Variants in RNF180 observed in about 807,000 individuals in gnomAD.
RNF180 encodes ring finger protein 180.
Under a neutral mutation model 59.2 loss-of-function variants are expected in RNF180, and 38 were observed. That is an observed-to-expected ratio of 0.64 (90% CI 0.50 to 0.84). RNF180 has a LOEUF of 0.84. RNF180 is among the 40% of genes least tolerant of loss of function. The pLI is 0.00. For synonymous variants in RNF180, 262 were observed against 240.3 expected (o/e 1.09, Z -0.84); for missense variants, 705 against 700.9 (o/e 1.01, Z -0.07).
At chr5:64,347,202 C>G (rs1745591329) in intron 7 of RNF180, among the ~76,000 whole-genome samples, 1 of 152,100 alleles carries the variant, frequency 6.6e-6, no homozygotes, top group African/African-American at 2.4e-5. Flanking sequence ...CAACAGCACC[C>G]TGGGGAAATC....
intron 1 of RNF180, among the ~76,000 whole-genome samples, chr5:64,178,219 A>G (rs924841893): frequency 4.0e-4 from 61 of 151,794 alleles, no homozygotes; most frequent in Admixed American, 2.2e-3. Context: ...AAAAAAAAAA[A>G]AAAGAAAAGC....
intron 1 of RNF180, among the ~76,000 whole-genome samples, chr5:64,184,238 A>G (rs559535021): frequency 4.3e-4 from 65 of 152,278 alleles, no homozygotes; most frequent in African/African-American, 1.5e-3. Flanking sequence ...CTGTTGTTTA[A>G]ACTACCCAGT....
intron 1 of RNF180, among the ~76,000 whole-genome samples, chr5:64,175,785 G>T (rs183417835): frequency 6.6e-6 from 1 of 151,942 alleles, no homozygotes; most frequent in East Asian, 1.9e-4. Context: ...TTCTTTTATC[G>T]ATATTTTATA....
At position 64,346,359 on chromosome 5, in the gene RNF180, C is replaced by CTTTTTTTTTT. The variant is rs1162054033; in HGVS notation, c.1579+15971_1579+15980dup. Among the ~76,000 whole-genome samples, 43 of 42,958 alleles carry CTTTTTTTTTT rather than the reference C, an allele frequency of 1.0e-3. 1 individual carries two copies. Among genetic ancestry groups the CTTTTTTTTTT allele is most frequent in the South Asian group, 1.0e-3 (1 of 978 alleles). The allele number at this position is 42,958 out of a possible 152,430, so 28.2% of individuals were successfully genotyped here. A position where few individuals can be genotyped will look rare whatever the true frequency, so the allele number is the denominator to read the frequency against. ...TCTATTCTTCTTTTTTTCTTTTCTT[C>CTTTTTTTTTT]TTTTTTTTTTTTTTTTTTTTTTTTT... On this transcript the variant is annotated intron_variant, in intron 7 of 7. Transcript: ENST00000389100.
intron 5 of RNF180, among the ~76,000 whole-genome samples, chr5:64,251,324 A>G (rs1181473397): frequency 1.3e-5 from 2 of 152,234 alleles, no homozygotes; most frequent in Non-Finnish European, 2.9e-5. Context: ...TATCGTTACC[A>G]TACTGGCGAC....
At chr5:64,332,479 G>A (rs562870029) in intron 7 of RNF180, among the ~76,000 whole-genome samples, 5 of 152,264 alleles carry the variant, frequency 3.3e-5, no homozygotes, top group East Asian at 1.9e-4. Flanking sequence ...TGACTTCAGC[G>A]ATATCATAGG....
Position 64,338,831 on chromosome 5 carries a change from C to T in RNF180, c.1579+8425C>T, listed in dbSNP as rs115778681. ...AGCATTTCTTGAAATTATCATACGGCTTTACTTCCTCAATTTGTTAATGCA... is the reference window on the plus strand; with the variant it reads ...AGCATTTCTTGAAATTATCATACGGTTTTACTTCCTCAATTTGTTAATGCA... On this transcript the variant is annotated intron_variant, in intron 7 of 7. Transcript: ENST00000389100. Among the ~76,000 whole-genome samples the T allele has an allele frequency of 2.6e-3, 397 of 152,058 alleles. 5 individuals are homozygous for T. Among genetic ancestry groups the T allele is most frequent in the African/African-American group, 9.3e-3 (384 of 41,478 alleles).
At chr5:64,295,572 T>C (rs72752840) in intron 5 of RNF180, among the ~76,000 whole-genome samples, 13,875 of 152,262 alleles carry the variant, frequency 0.091, 764 homozygotes, top group South Asian at 0.17. Context: ...CAGAAATCCA[T>C]GTCCTGATAC....
intron 5 of RNF180, among the ~76,000 whole-genome samples, chr5:64,246,293 G>C (rs565750797): frequency 6.6e-6 from 1 of 151,894 alleles, no homozygotes; most frequent in Non-Finnish European, 1.5e-5. Flanking sequence ...GAAGAGACAC[G>C]AAAAACCCTT....
chr5:64,186,583 G>C (rs952860095), intron 1 of RNF180, among the ~76,000 whole-genome samples: 7 of 151,902 alleles, frequency 4.6e-5, no homozygotes, highest in African/African-American at 1.7e-4. Context: ...TATGTTCTGG[G>C]ACAAAATAAT....
intron 5 of RNF180, among the ~76,000 whole-genome samples, chr5:64,219,564 G>C (rs1010078319): frequency 9.2e-5 from 14 of 152,014 alleles, no homozygotes; most frequent in African/African-American, 2.7e-4. Flanking sequence ...CACCAGGCTG[G>C]AGTGCAGTGG....
At chr5:64,339,468 T>C (rs983902989) in intron 7 of RNF180, among the ~76,000 whole-genome samples, 3 of 152,166 alleles carry the variant, frequency 2.0e-5, no homozygotes, top group Non-Finnish European at 1.5e-5. Flanking sequence ...AAAATAACAA[T>C]TGTACAAAAT....
At chr5:64,294,477 A>G (rs1280434470) in intron 5 of RNF180, among the ~76,000 whole-genome samples, 1 of 152,238 alleles carries the variant, frequency 6.6e-6, no homozygotes, top group African/African-American at 2.4e-5. Context: ...TTAAACTTTA[A>G]TGTAATTTTA....
rs77717544 is a variant in RNF180, at chr5:64,357,570, A to C, written c.1580-12045A>C. Among the ~76,000 whole-genome samples the C allele has an allele frequency of 3.4e-3, 513 of 151,900 alleles. 2 individuals are homozygous for C. Among genetic ancestry groups the C allele is most frequent in the African/African-American group, 0.011 (465 of 41,498 alleles). Reference sequence around the variant, plus strand: ...GGCTTGATTTAGGACAGTCTCAAAAATATGCTAATTATTCATTTTATTCTC... The same window carrying C: ...GGCTTGATTTAGGACAGTCTCAAAACTATGCTAATTATTCATTTTATTCTC... On this transcript the variant is annotated intron_variant, in intron 7 of 7. Coordinates refer to ENST00000389100, the MANE Select transcript of RNF180 (RefSeq NM_001113561.2).
At chr5:64,193,467 T>TA (rs953048362) in intron 1 of RNF180, among the ~76,000 whole-genome samples, 5 of 151,946 alleles carry the variant, frequency 3.3e-5, no homozygotes, top group East Asian at 1.9e-4. Context: ...AAGCTTTTTT[T>TA]AAAAAAAATT....
chr5:64,204,483 A>G (rs1165405865), intron 2 of RNF180, among the ~76,000 whole-genome samples: 3 of 152,296 alleles, frequency 2.0e-5, no homozygotes, highest in South Asian at 4.1e-4. Flanking sequence ...TCAGAGGTCA[A>G]TTGTGTTTTC....
At chr5:64,186,556 G>T (rs998246666) in intron 1 of RNF180, among the ~76,000 whole-genome samples, 33 of 152,020 alleles carry the variant, frequency 2.2e-4, no homozygotes, top group African/African-American at 8.0e-4. Context: ...TTCATAGCAC[G>T]TGTCTTTGTT....
chr5:64,316,905 G>A (rs1744067841), intron 5 of RNF180, among the ~76,000 whole-genome samples: 1 of 152,094 alleles, frequency 6.6e-6, no homozygotes, highest in African/African-American at 2.4e-5. Flanking sequence ...CACACCCCCT[G>A]GCAAATACTA....
At chr5:64,223,813 A>C (rs1350028493) in intron 5 of RNF180, among the ~76,000 whole-genome samples, 1 of 152,158 alleles carries the variant, frequency 6.6e-6, no homozygotes, top group Non-Finnish European at 1.5e-5. Flanking sequence ...AGTATTGAGG[A>C]TACAACAATG....
Sources: allele counts gnomAD v4.1 joint callset (sites outside exome capture counted in the v4.1 genomes callset), GRCh38; gene constraint gnomAD v4.1.1; transcripts MANE v1.5; gene names NCBI Gene and HGNC (gene_info 2026-07-23, HGNC 2026-07-21).